ASIC2: variants seen among roughly 807,000 people sequenced by gnomAD.
ASIC2 encodes acid-sensing ion channel 2.
In ASIC2, 25 loss-of-function variants were observed where a neutral mutation model predicts 57.3. The ratio of observed to expected loss-of-function variants is 0.44; its 90% CI spans 0.32 to 0.61. ASIC2 has a LOEUF of 0.61. Among genes scored for constraint, ASIC2 ranks in the 20% least tolerant of loss-of-function variants. The pLI, the probability that ASIC2 is intolerant of heterozygous loss-of-function variation, is 0.06. For synonymous variants in ASIC2, 319 were observed against 307.5 expected, an observed-to-expected ratio of 1.04 and a Z score of -0.39; for missense variants, 641 against 738.1, an observed-to-expected ratio of 0.87 and a Z score of 1.52.
chr17:33,366,428 C>T (rs1282206467), intron 1 of ASIC2, among the ~76,000 whole-genome samples: 1 of 152,160 alleles, frequency 6.6e-6, no homozygotes, highest in African/African-American at 2.4e-5. Context: ...CATGCCTTGC[C>T]TTGGTACCTG....
At chr17:34,024,647 T>C (rs1437455986) in intron 1 of ASIC2, among the ~76,000 whole-genome samples, 1 of 152,200 alleles carries the variant, frequency 6.6e-6, no homozygotes, top group African/African-American at 2.4e-5. Context: ...GCCTGTTTCC[T>C]AGCAGGCTGG....
Position 33,406,600 on chromosome 17 carries a change from C to G in ASIC2, c.556-294533G>C, listed in dbSNP as rs185792082. 4.9e-4 allele frequency among the ~76,000 whole-genome samples: 74 copies of G among 152,300 alleles called. 1 individual carries two copies. The East Asian group carries it at 0.013, about 27-fold the overall frequency. On this transcript the variant is annotated intron_variant, in intron 1 of 9. Transcript: ENST00000359872. ...CCTTGATTATAAGATGAGAATAACA[C>G]CAGTAGCCTCCTCAGAGAGCTGCCA...
chr17:33,090,882 G>T (rs1188584910), intron 2 of ASIC2, among the ~76,000 whole-genome samples: 2 of 152,186 alleles, frequency 1.3e-5, no homozygotes, highest in Non-Finnish European at 2.9e-5. Flanking sequence ...TTTAGACAAG[G>T]AGACCCTCAG....
At chr17:34,109,964 A>G (rs576538704) in intron 1 of ASIC2, among the ~76,000 whole-genome samples, 3 of 150,924 alleles carry the variant, frequency 2.0e-5, no homozygotes, top group Admixed American at 1.3e-4. Flanking sequence ...GTGAGAGAGA[A>G]AGAGAGAGAG....
chr17:33,765,144 C>T lies in ASIC2; in HGVS notation c.555+390834G>A, dbSNP rs560525971. 3.0e-3 allele frequency among the ~76,000 whole-genome samples: 451 copies of T among 152,028 alleles called. 1 individual carries two copies. The highest frequency in any genetic ancestry group is 0.01 in the African/African-American group (432 of 41,472). On this transcript the variant is annotated intron_variant, in intron 1 of 9. Transcript: ENST00000359872. ...TTTTTGAGACGGAGTCTCGCTCTGT[C>T]GCCCAGGCTAGAGTGCAGTGGCGCT...
chr17:33,061,501 A>T (rs2141939806), intron 3 of ASIC2, among the ~76,000 whole-genome samples: 1 of 152,336 alleles, frequency 6.6e-6, no homozygotes, highest in East Asian at 1.9e-4. Context: ...CTTGCATCCC[A>T]GGGATGAAGA....
intron 1 of ASIC2, among the ~76,000 whole-genome samples, chr17:33,238,247 C>G (rs529642882): frequency 3.9e-5 from 6 of 152,318 alleles, no homozygotes; most frequent in East Asian, 1.9e-4. Flanking sequence ...GAGAGCTGCA[C>G]GACGGCACTG....
chr17:33,853,438 G>A (rs1028293665), intron 1 of ASIC2, among the ~76,000 whole-genome samples: 1 of 152,162 alleles, frequency 6.6e-6, no homozygotes, highest in African/African-American at 2.4e-5. Flanking sequence ...AGACAACAGG[G>A]CCAAAGGGTT....
At chr17:33,290,922 C>T (rs1331356903) in intron 1 of ASIC2, 1 of 153,030 alleles carries the variant, frequency 6.5e-6, no homozygotes, top group Non-Finnish European at 1.4e-5. Context: ...CTTAGGGACT[C>T]TGCGTGATTC....
At chr17:33,809,947 T>G (rs562413375) in intron 1 of ASIC2, among the ~76,000 whole-genome samples, 13 of 152,366 alleles carry the variant, frequency 8.5e-5, no homozygotes, top group African/African-American at 3.1e-4. Context: ...TATCTCCACC[T>G]GCTTGAATTC....
At chr17:33,422,803 G>A (rs1476280339) in intron 1 of ASIC2, among the ~76,000 whole-genome samples, 2 of 152,216 alleles carry the variant, frequency 1.3e-5, no homozygotes, top group Non-Finnish European at 2.9e-5. Flanking sequence ...CTATGAGGAT[G>A]TCAGTCTGCT....
intron 1 of ASIC2, among the ~76,000 whole-genome samples, chr17:33,769,348 G>C (rs1255850490): frequency 6.6e-6 from 1 of 152,192 alleles, no homozygotes; most frequent in Non-Finnish European, 1.5e-5. Flanking sequence ...TCCTGTGTCA[G>C]CAGAGCAGCC....
chr17:33,853,237 G>A (rs146617285), intron 1 of ASIC2, among the ~76,000 whole-genome samples: 2,077 of 152,262 alleles, frequency 0.014, 24 homozygotes, highest in Non-Finnish European at 0.018. Flanking sequence ...GGAGGGAGAG[G>A]GGAGGTGGGG....
chr17:33,322,322 C>CA (rs1906901933), intron 1 of ASIC2, among the ~76,000 whole-genome samples: 1 of 152,098 alleles, frequency 6.6e-6, no homozygotes, highest in Non-Finnish European at 1.5e-5. Context: ...AAGGAAGATC[C>CA]AAATATTGCC....
At chr17:33,529,789 C>T (rs1313627155) in intron 1 of ASIC2, 2 of 152,174 alleles carry the variant, frequency 1.3e-5, no homozygotes, top group African/African-American at 2.4e-5. Context: ...AAATGAGATA[C>T]ATCATGTAAG....
chr17:33,550,679 A>T (rs956727068), intron 1 of ASIC2, among the ~76,000 whole-genome samples: 3 of 152,214 alleles, frequency 2.0e-5, no homozygotes, highest in African/African-American at 7.2e-5. Flanking sequence ...TCTAATGGAG[A>T]GAATATTAGC....
In ASIC2 at chr17:34,086,098, T is replaced by G. The variant is rs61427866; in HGVS notation, c.555+69880A>C. Among the ~76,000 whole-genome samples, 872 of 149,628 alleles carry G rather than the reference T, an allele frequency of 5.8e-3. 9 individuals are homozygous for G. The highest frequency in any genetic ancestry group is 0.02 in the African/African-American group (827 of 40,492). ...TCTGCTAGCTTTTGAATGTGTTTGC[T>G]CTTGCTTTTCTAGTTCTTTTAATTG... On this transcript the variant is annotated intron_variant, in intron 1 of 9. Coordinates refer to the ASIC2 transcript ENST00000359872.
intron 4 of ASIC2, 145 bp downstream of exon 4, chr17:33,028,097 A>G (rs1174401823): frequency 1.7e-6 from 2 of 1,169,904 alleles, no homozygotes; most frequent in South Asian, 3.4e-5. Flanking sequence ...CCCTCTTAAT[A>G]GGCACCAAAT....
chr17:33,550,615 A>T (rs554228719), intron 1 of ASIC2, among the ~76,000 whole-genome samples: 3 of 152,356 alleles, frequency 2.0e-5, no homozygotes, highest in African/African-American at 7.2e-5. Context: ...CCTACTGGCT[A>T]CTACTGGGCT....
Sources: gnomAD v4.1 joint callset for allele counts (sites outside exome capture counted in the v4.1 genomes callset) on GRCh38, gnomAD v4.1.1 for gene constraint, MANE v1.5 for transcripts, NCBI Gene and HGNC (gene_info 2026-07-23, HGNC 2026-07-21) for gene names.